SRRM4: variants seen among roughly 807,000 people sequenced by gnomAD.
SRRM4 encodes serine/arginine repetitive matrix protein 4.
A neutral mutation model predicts 68.9 loss-of-function variants in SRRM4; 33 were observed. The ratio of observed to expected loss-of-function variants is 0.48; its 90% confidence interval spans 0.36 to 0.64. The LOEUF is 0.64. SRRM4 is among the 30% of genes least tolerant of loss of function. The probability of loss-of-function intolerance (pLI) is 0.00; values close to 1 mark genes in which losing one functional copy is unlikely to be tolerated. For missense variants in SRRM4, 817 were observed against 827.1 expected (o/e 0.99, Z 0.15); for synonymous variants, 318 against 318.8 (o/e 1.00, Z 0.03).
chr12:119,077,045 C>T (rs1051784469), intron 1 of SRRM4, among the ~76,000 whole-genome samples: 2 of 152,010 alleles, frequency 1.3e-5, no homozygotes, highest in African/African-American at 4.8e-5. Flanking sequence ...TGTTGTATAT[C>T]TCTTGCAGTT....
chr12:119,055,042 G>A (rs1043278739), intron 1 of SRRM4, among the ~76,000 whole-genome samples: 3 of 152,050 alleles, frequency 2.0e-5, no homozygotes, highest in Admixed American at 2.0e-4. Context: ...AGCCACCTCT[G>A]CTTGCATCAG....
chr12:119,011,497 A>G (rs1039252970), intron 1 of SRRM4, among the ~76,000 whole-genome samples: 10 of 152,216 alleles, frequency 6.6e-5, no homozygotes, highest in Admixed American at 6.5e-4. Flanking sequence ...CCACTGGTTG[A>G]GAATCACTCA....
At chr12:119,010,840 A>G (rs1347452958) in intron 1 of SRRM4, among the ~76,000 whole-genome samples, 2 of 152,240 alleles carry the variant, frequency 1.3e-5, no homozygotes, top group Non-Finnish European at 2.9e-5. Context: ...ATGGAATACA[A>G]TACAACAGTT....
chr12:119,129,894 T>C (rs1382301082), intron 7 of SRRM4, among the ~76,000 whole-genome samples: 2 of 150,396 alleles, frequency 1.3e-5, no homozygotes, highest in African/African-American at 4.9e-5. Context: ...GATGGATGGA[T>C]GGATGGATGG....
intron 10 of SRRM4, among the ~76,000 whole-genome samples, chr12:119,153,021 T>A: frequency 6.6e-6 from 1 of 152,200 alleles, no homozygotes; most frequent in East Asian, 1.9e-4. Flanking sequence ...TGTTTCCCCA[T>A]CTATAAAATG....
chr12:119,156,593 C>T lies in SRRM4; in HGVS notation c.1631C>T (p.Ser544Leu), dbSNP rs779722375. 17 of 1,610,038 alleles carry T rather than the reference C, an allele frequency of 1.1e-5. No homozygotes were observed. Among genetic ancestry groups the T allele is most frequent in the Non-Finnish European group, 1.4e-5 (17 of 1,179,552 alleles). ...TGGTACAGCAGCAGCAGTAGCCGCT[C>T]GGCCAGCCGCAGCTACTCCCGGAGC... ...SSWYSSSSSR[S>L]ASRSYSRSRS... The change falls in exon 13 of 13, where the codon TCG becomes TTG. Residue 544 changes from serine to leucine, a missense_variant. Coordinates refer to ENST00000267260, the MANE Select transcript of SRRM4 (RefSeq NM_194286.4).
chr12:119,003,202 A>G (rs1953396252), intron 1 of SRRM4, among the ~76,000 whole-genome samples: 1 of 151,698 alleles, frequency 6.6e-6, no homozygotes, highest in Admixed American at 6.6e-5. Flanking sequence ...GCTGCAACCT[A>G]TGTTCGAAGA....
Position 118,982,682 on chromosome 12 carries a change from T to TTTTTTATTTTTA in SRRM4, c.131+674_131+675insATTTTTATTTTT, listed in dbSNP as rs1565882778. On this transcript the variant is annotated intron_variant, in intron 1 of 12. Transcript: ENST00000267260. ...GAGTTTTATTTTGTTTTTTTTTGTTTTTTTTTTTTTTTTCCAAAAAGAATC... is the reference window on the plus strand; with the variant it reads ...GAGTTTTATTTTGTTTTTTTTTGTTTTTTTTATTTTTATTTTTTTTTTTTTCCAAAAAGAATC... Among the ~76,000 whole-genome samples the TTTTTTATTTTTA allele has an allele frequency of 7.8e-4, 105 of 134,286 alleles. 2 individuals are homozygous for TTTTTTATTTTTA. Among genetic ancestry groups the TTTTTTATTTTTA allele is most frequent in the African/African-American group, 2.9e-3 (104 of 35,796 alleles). The allele number at this position is 134,286 out of a possible 152,430, so 88.1% of individuals were successfully genotyped here.
intron 1 of SRRM4, among the ~76,000 whole-genome samples, chr12:119,091,553 G>C (rs1954014490): frequency 6.6e-6 from 1 of 152,160 alleles, no homozygotes; most frequent in Admixed American, 6.5e-5. Context: ...AAATGTGGCT[G>C]ATATTCAAAG....
chr12:119,126,717 A>G (rs11064674), intron 7 of SRRM4, among the ~76,000 whole-genome samples: 84,495 of 151,952 alleles, frequency 0.56, 23,732 homozygotes, highest in South Asian at 0.63. Context: ...TAAGAACTGG[A>G]GCTTTAACTA....
chr12:119,086,637 G>A (rs985100291), intron 1 of SRRM4, among the ~76,000 whole-genome samples: 2 of 152,210 alleles, frequency 1.3e-5, no homozygotes, highest in East Asian at 1.9e-4. Context: ...ATGCAGCAGG[G>A]CCCCTTCATG....
chr12:119,106,814 C>T (rs1954110465), intron 2 of SRRM4, among the ~76,000 whole-genome samples: 1 of 152,192 alleles, frequency 6.6e-6, no homozygotes, highest in South Asian at 2.1e-4. Context: ...TTTCTCCTGC[C>T]TGATTGCCCT....
intron 1 of SRRM4, among the ~76,000 whole-genome samples, chr12:119,068,724 C>A (rs1953860691): frequency 6.6e-6 from 1 of 151,906 alleles, no homozygotes; most frequent in African/African-American, 2.4e-5. Context: ...ATCTCGGTGT[C>A]AGAAACAGGT....
intron 1 of SRRM4, among the ~76,000 whole-genome samples, chr12:119,099,244 C>T (rs1954063870): frequency 6.6e-6 from 1 of 152,184 alleles, no homozygotes; most frequent in Admixed American, 6.5e-5. Flanking sequence ...AAGCGATTCT[C>T]CTGCCTCAGC....
At chr12:119,011,790 T>C (rs1054562556) in intron 1 of SRRM4, among the ~76,000 whole-genome samples, 4 of 152,120 alleles carry the variant, frequency 2.6e-5, no homozygotes, top group South Asian at 4.1e-4. Flanking sequence ...ACCAGTGCCA[T>C]TGCCGAGTGT....
At chr12:119,029,414 T>C (rs1302943570) in intron 1 of SRRM4, among the ~76,000 whole-genome samples, 1 of 152,172 alleles carries the variant, frequency 6.6e-6, no homozygotes, top group Non-Finnish European at 1.5e-5. Context: ...TTTGGACCAA[T>C]AGGTGAAAAT....
At chr12:119,025,461 T>C (rs965229018) in intron 1 of SRRM4, among the ~76,000 whole-genome samples, 61 of 152,162 alleles carry the variant, frequency 4.0e-4, no homozygotes, top group African/African-American at 1.5e-3. Flanking sequence ...TGTTTGTTCT[T>C]GAGACTGAGT....
rs1449996490 is a variant in SRRM4 at position 119,154,126 on chromosome 12, A to T, written c.1392-117A>T. 3.4e-5 allele frequency: 32 copies of T among 954,020 alleles called. No homozygotes were observed. The East Asian group carries it at 6.6e-4, about 20-fold the overall frequency. 59.1% of individuals were successfully genotyped at this position (954,020 alleles called of 1,614,324 possible). A position where few individuals can be genotyped will look rare whatever the true frequency, so the allele number is the denominator to read the frequency against. The stretch of plus-strand genomic sequence containing the variant: ...TCCGGTCTCCCTTGCGGCAACGTGC[A>T]GACCCCATCCCGTGACCCAGTGGGG... On this transcript the variant is annotated intron_variant, in intron 11 of 12. Transcript: ENST00000267260. This position sits in a 1 kb window ranked among gnomAD's most constrained non-coding sequence, Gnocchi z 4.7.
chr12:119,134,451 A>G (rs577708535), intron 8 of SRRM4, among the ~76,000 whole-genome samples: 2 of 151,998 alleles, frequency 1.3e-5, no homozygotes, highest in East Asian at 1.9e-4. Flanking sequence ...CTCACAGTCT[A>G]GTAGTCAGAA....
Sources: allele counts gnomAD v4.1 joint callset (sites outside exome capture counted in the v4.1 genomes callset), GRCh38; gene constraint gnomAD v4.1.1; non-coding constraint Gnocchi (gnomAD v3.1); transcripts MANE v1.5; gene names NCBI Gene and HGNC (gene_info 2026-07-23, HGNC 2026-07-21).